Variants in KRI1 observed in about 807,000 individuals in gnomAD.
KRI1 encodes the protein KRI1 homolog, also known as protein KRI1 homolog.
In KRI1, 83 loss-of-function variants were observed where a neutral mutation model predicts 97.0. The ratio of observed to expected loss-of-function variants is 0.86; its 90% CI spans 0.72 to 1.03. The LOEUF is 1.03. KRI1 is among the 50% of genes least tolerant of loss of function. The probability of loss-of-function intolerance (pLI) is 0.00; values close to 1 mark genes in which losing one functional copy is unlikely to be tolerated. For synonymous variants in KRI1, 371 were observed against 363.5 expected (o/e 1.02, Z -0.23); for missense variants, 916 against 928.4 (o/e 0.99, Z 0.17).
At chr19:10,560,224 GT>G in intron 9 of KRI1, 87 bp downstream of exon 9, 1 of 1,471,786 alleles carries the variant, frequency 6.8e-7, no homozygotes, top group South Asian at 1.4e-5. Flanking sequence ...TACACACATG[GT>G]GCCCTCTGCC....
intron 4 of KRI1, 49 bp downstream of exon 4, chr19:10,562,680 C>G (rs886414998): frequency 1.8e-6 from 2 of 1,129,128 alleles, no homozygotes; most frequent in Non-Finnish European, 2.7e-6. Flanking sequence ...CCCCCATAGA[C>G]CTGACAGGGC....
At chr19:10,564,482 G>A (rs965284665) in intron 3 of KRI1, among the ~76,000 whole-genome samples, 4 of 151,964 alleles carry the variant, frequency 2.6e-5, no homozygotes, top group Non-Finnish European at 5.9e-5. Flanking sequence ...AAGAGAAATG[G>A]GGTCTTGCTA....
intron 4 of KRI1, among the ~76,000 whole-genome samples, chr19:10,562,198 C>A (rs766826723): frequency 6.6e-6 from 1 of 151,886 alleles, no homozygotes; most frequent in Non-Finnish European, 1.5e-5. Flanking sequence ...TACAGGCGCC[C>A]ACCACCACAT....
rs931271876 is a variant in KRI1 at position 10,553,563 on chromosome 19, A to G, written c.*388T>C. ...GGACGACTTCCTTACCCACAGCTAC[A>G]CGTGTTTTTTAATTTTTTTTTTTTT... On this transcript the variant is annotated 3_prime_UTR_variant, in exon 19 of 19. Transcript: ENST00000312962. The G allele has an allele frequency of 5.9e-6, 1 of 169,008 alleles. No individual in the cohort carries two copies. The highest frequency in any genetic ancestry group is 1.2e-5 in the Non-Finnish European group (1 of 85,060). 10.5% of individuals were successfully genotyped at this position (169,008 alleles called of 1,614,324 possible).
intron 12 of KRI1, 45 bp from the exon 13 acceptor site, chr19:10,558,284 A>T: frequency 6.3e-7 from 1 of 1,584,504 alleles, no homozygotes; most frequent in Non-Finnish European, 8.7e-7. Context: ...CTCGAGACAT[A>T]GGAGCTGAGC....
In KRI1 at chr19:10,558,065, A is replaced by C. The variant is rs1455126805; in HGVS notation, c.1271-5T>G. Reference sequence around the variant, plus strand: ...ACGTGTCCCAGTTCCAGTCGTCTGGATGCAGGGAGAACAGACAGGTGGGGC... The same window carrying C: ...ACGTGTCCCAGTTCCAGTCGTCTGGCTGCAGGGAGAACAGACAGGTGGGGC... On this transcript the variant is annotated splice_polypyrimidine_tract_variant and splice_region_variant and intron_variant, in intron 13 of 18. Coordinates refer to ENST00000312962, the MANE Select transcript of KRI1 (RefSeq NM_023008.5). 2 of 1,613,904 alleles carry C rather than the reference A, an allele frequency of 1.2e-6. No individual in the cohort carries two copies. Among genetic ancestry groups the C allele is most frequent in the East Asian group, 2.2e-5 (1 of 44,888 alleles).
intron 3 of KRI1, among the ~76,000 whole-genome samples, chr19:10,564,100 C>A (rs185496836): frequency 6.7e-6 from 1 of 148,570 alleles, no homozygotes; most frequent in East Asian, 2.0e-4. Context: ...GAGCCCAGAT[C>A]ATGCCATTGC....
intron 3 of KRI1, among the ~76,000 whole-genome samples, chr19:10,564,187 G>C (rs528854551): frequency 1.4e-5 from 2 of 145,670 alleles, no homozygotes; most frequent in African/African-American, 5.1e-5. Flanking sequence ...CTGGCTGGGC[G>C]CAGTGGCTCA....
chr19:10,556,562 G>C (rs1916504596), intron 16 of KRI1, among the ~76,000 whole-genome samples: 1 of 152,090 alleles, frequency 6.6e-6, no homozygotes, highest in Non-Finnish European at 1.5e-5. Context: ...AGCTACTTGG[G>C]AGGCTAAGGC....
At chr19:10,564,225 C>T (rs1916788724) in intron 3 of KRI1, among the ~76,000 whole-genome samples, 1 of 151,748 alleles carries the variant, frequency 6.6e-6, no homozygotes, top group African/African-American at 2.4e-5. Context: ...CTTTGGGAGG[C>T]CAGGGTGGGC....
Position 10,555,127 on chromosome 19 carries a change from A to G in KRI1, c.1741T>C (p.Trp581Arg), listed in dbSNP as rs149026065. Residue 581 changes from tryptophan (W) to arginine (R), a missense_variant, in exon 18 of 19, where the codon TGG becomes CGG. This residue lies in a region of KRI1 where 672 missense variants were observed against 667.2 expected (regional missense o/e 1.01). Coordinates refer to ENST00000312962, the MANE Select transcript of KRI1 (RefSeq NM_023008.5). ...GACTTGAAGACCTGCCGCTTTTTCC[A>G]TGAGTTCTGGGCCTTCTGGCTGTAC... ...RAYSQKAQNS[W>R]KKRQVFKSLC... is the part of the protein sequence containing the mutation. 9.1e-4 allele frequency: 1,467 copies of G among 1,609,372 alleles called. 10 individuals are homozygous for G. The African/African-American group carries it at 0.017, about 19-fold the overall frequency.
rs1916851619 is a variant in KRI1 at position 10,565,810 on chromosome 19, T to TC, written c.95-21_95-20insG. ...CCTTCACTGCGGGACACAGACGGGA[T>TC]GCCCCCCCCCAGGTCAGCCGGCGGG... On this transcript the variant is annotated intron_variant, in intron 1 of 18. Transcript: ENST00000312962. 6.8e-7 allele frequency: 1 copy of TC among 1,476,802 alleles called. No homozygotes were observed. The highest frequency in any genetic ancestry group is 9.0e-7 in the Non-Finnish European group (1 of 1,111,252). 91.5% of individuals were successfully genotyped at this position (1,476,802 alleles called of 1,614,324 possible). A position where few individuals can be genotyped will look rare whatever the true frequency, so the allele number is the denominator to read the frequency against.
At chr19:10,560,865 A>G in intron 8 of KRI1, 138 bp downstream of exon 8, 1 of 689,140 alleles carries the variant, frequency 1.5e-6, no homozygotes, top group Non-Finnish European at 2.5e-6. Context: ...CACCCAGCCT[A>G]TCCCCATTTA....
chr19:10,561,110 A>C, intron 7 of KRI1, 30 bp from the exon 8 acceptor site: 1 of 1,610,388 alleles, frequency 6.2e-7, no homozygotes, highest in Non-Finnish European at 8.5e-7. Context: ...GAGCATCCGC[A>C]GATGCCCAGC....
At position 10,565,836 on chromosome 19, in the gene KRI1, G is replaced by A. The variant is rs755429569; in HGVS notation, c.95-46C>T. On this transcript the variant is annotated intron_variant, in intron 1 of 18. Coordinates refer to ENST00000312962, the MANE Select transcript of KRI1 (RefSeq NM_023008.5). Reference sequence around the variant, plus strand: ...GCCCCCCCCCAGGTCAGCCGGCGGGGCCACTCGACTCCCCACTTCCCAACC... The same window carrying A: ...GCCCCCCCCCAGGTCAGCCGGCGGGACCACTCGACTCCCCACTTCCCAACC... 2.6e-6 allele frequency: 4 copies of A among 1,547,268 alleles called. No homozygotes were observed. The Admixed American group carries it at 5.9e-5, about 23-fold the overall frequency.
chr19:10,565,056 G>C (rs762909637), intron 2 of KRI1, 22 bp from the exon 3 acceptor site: 2 of 1,510,248 alleles, frequency 1.3e-6, no homozygotes, highest in African/African-American at 2.7e-5. Flanking sequence ...AAAGGGTTGG[G>C]GATAGATTTC....
chr19:10,554,792 C>G (rs1270133714), intron 18 of KRI1, among the ~76,000 whole-genome samples: 2 of 152,176 alleles, frequency 1.3e-5, no homozygotes, highest in African/African-American at 4.8e-5. Context: ...ACAGCTAAGA[C>G]CTATGGGGCA....
In KRI1 at chr19:10,557,909, CA is replaced by C. The variant is rs1175887243; in HGVS notation, c.1360-15del. 6.2e-7 allele frequency: 1 copy of C among 1,613,488 alleles called. No individual in the cohort carries two copies. Among genetic ancestry groups the C allele is most frequent in the African/African-American group, 1.3e-5 (1 of 74,932 alleles). Reference sequence around the variant, plus strand: ...GTCGGCGTCCATCTGCCAGGACGCACAGGTCAGATCCCACCAGCCCCCCGTC... The same window carrying C: ...GTCGGCGTCCATCTGCCAGGACGCACGGTCAGATCCCACCAGCCCCCCGTC... On this transcript the variant is annotated splice_polypyrimidine_tract_variant and intron_variant, in intron 14 of 18. Transcript: ENST00000312962.
In KRI1 at chr19:10,554,984, C is replaced by T. The variant is rs116690738; in HGVS notation, c.1781+103G>A. ...CGAACCCAGGTCTCAGAGCGGGGGG[C>T]GCTGCATTCCCAAAGTCATGCAACA... On this transcript the variant is annotated intron_variant, in intron 18 of 18. Coordinates refer to ENST00000312962, the MANE Select transcript of KRI1 (RefSeq NM_023008.5). The T allele has an allele frequency of 2.1e-3, 1,857 of 886,280 alleles. 7 individuals carry two copies. Among genetic ancestry groups the T allele is most frequent in the African/African-American group, 8.1e-3 (487 of 60,002 alleles). 54.9% of individuals were successfully genotyped at this position (886,280 alleles called of 1,614,324 possible).
Sources: allele counts gnomAD v4.1 joint callset (sites outside exome capture counted in the v4.1 genomes callset), GRCh38; gene constraint gnomAD v4.1.1; regional missense constraint gnomAD v4.1.1; transcripts MANE v1.5; gene names NCBI Gene and HGNC (gene_info 2026-07-23, HGNC 2026-07-21).